RGS6: variants seen among roughly 807,000 people sequenced by gnomAD.
The protein encoded by RGS6 is regulator of G protein signaling 6.
In RGS6, 30 loss-of-function variants were observed where a neutral mutation model predicts 78.5. The observed-to-expected ratio is 0.38, with a 90% confidence interval of 0.29 to 0.52. The LOEUF is 0.52. Ranked by LOEUF, RGS6 falls within the 20% of genes least tolerant of loss-of-function variation. The pLI, the probability that RGS6 is intolerant of heterozygous loss-of-function variation, is 0.85. For synonymous variants in RGS6, 206 were observed against 206.0 expected (o/e 1.00, Z 0.00); for missense variants, 495 against 609.7 (o/e 0.81, Z 1.98).
chr14:72,060,948 G>GA (rs1350308944), intron 2 of RGS6, among the ~76,000 whole-genome samples: 1 of 152,144 alleles, frequency 6.6e-6, no homozygotes, highest in East Asian at 1.9e-4. Context: ...AGGTAAACAG[G>GA]AGTGTATTCA....
intron 3 of RGS6, among the ~76,000 whole-genome samples, chr14:72,407,152 C>G (rs1283178909): frequency 6.6e-6 from 1 of 152,158 alleles, no homozygotes; most frequent in Non-Finnish European, 1.5e-5. Context: ...CTAGGTGTTC[C>G]TCTCTTAAAA....
chr14:72,166,726 C>T (rs1047261542), intron 2 of RGS6, among the ~76,000 whole-genome samples: 2 of 152,152 alleles, frequency 1.3e-5, no homozygotes, highest in Non-Finnish European at 2.9e-5. Context: ...AGGAACAAAA[C>T]GTACTTTTTT....
intron 3 of RGS6, among the ~76,000 whole-genome samples, chr14:72,400,423 C>G (rs1182104671): frequency 6.6e-6 from 1 of 152,160 alleles, no homozygotes; most frequent in Non-Finnish European, 1.5e-5. Flanking sequence ...TCACCCACCT[C>G]CTGATTTTTA....
At chr14:71,959,525 A>C (rs10134070) in intron 1 of RGS6, among the ~76,000 whole-genome samples, 2,712 of 152,300 alleles carry the variant, frequency 0.018, 81 homozygotes, top group African/African-American at 0.06. Context: ...GGGCACTAAG[A>C]GTGGCAGGCA....
At chr14:71,877,131 A>G in the RGS6 span, among the ~76,000 whole-genome samples, 10 of 152,188 alleles carry the variant, frequency 6.6e-5, no homozygotes, top group South Asian at 1.7e-3. Context: ...TTCAACTTTG[A>G]TGAATCTGAC....
At chr14:72,602,482 G>T in the RGS6 span, among the ~76,000 whole-genome samples, 1 of 152,118 alleles carries the variant, frequency 6.6e-6, no homozygotes, top group Non-Finnish European at 1.5e-5. Context: ...GCCGCCACAG[G>T]TCATCCAGCC....
At chr14:72,615,671 C>T in the RGS6 span, among the ~76,000 whole-genome samples, 23 of 152,352 alleles carry the variant, frequency 1.5e-4, no homozygotes, top group African/African-American at 5.5e-4. Flanking sequence ...AGGCTTCCGG[C>T]TTCCTACCTC....
rs1007706127 is a variant in RGS6 at position 72,365,064 on chromosome 14, C to T, written c.184+12870C>T. On this transcript the variant is annotated intron_variant, in intron 3 of 17. Transcript: ENST00000553525. ...ATCATCCCAAAGGCGAAAAGAGAAGCAACTGTTAATGACCTACACCAAATA... is the reference window on the plus strand; with the variant it reads ...ATCATCCCAAAGGCGAAAAGAGAAGTAACTGTTAATGACCTACACCAAATA... Among the ~76,000 whole-genome samples, 3 of 152,146 alleles carry T rather than the reference C, an allele frequency of 2.0e-5. No homozygotes were observed. The South Asian group carries it at 6.2e-4, about 32-fold the overall frequency.
At chr14:72,513,521 A>G (rs2096903794) in intron 14 of RGS6, among the ~76,000 whole-genome samples, 1 of 152,098 alleles carries the variant, frequency 6.6e-6, no homozygotes, top group Non-Finnish European at 1.5e-5. Context: ...CTCCCTTTGC[A>G]CCGAGTGGAC....
At chr14:71,875,868 G>T in the RGS6 span, among the ~76,000 whole-genome samples, 1 of 152,296 alleles carries the variant, frequency 6.6e-6, no homozygotes, top group East Asian at 1.9e-4. Context: ...TGGTTTCAAA[G>T]AACATCTTTA....
intron 3 of RGS6, among the ~76,000 whole-genome samples, chr14:72,374,322 G>A (rs1053678840): frequency 6.6e-6 from 1 of 151,518 alleles, no homozygotes; most frequent in Non-Finnish European, 1.5e-5. Context: ...TCCTACCTAT[G>A]AGTGAGAACA....
intron 2 of RGS6, among the ~76,000 whole-genome samples, chr14:72,147,861 G>A (rs1483176571): frequency 6.6e-6 from 1 of 152,190 alleles, no homozygotes; most frequent in Non-Finnish European, 1.5e-5. Flanking sequence ...TCTGGGTGCA[G>A]TGGCTCATGC....
chr14:72,385,514 AT>A (rs2087678530), intron 3 of RGS6, among the ~76,000 whole-genome samples: 1 of 152,206 alleles, frequency 6.6e-6, no homozygotes, highest in Non-Finnish European at 1.5e-5. Flanking sequence ...ATAGTAGGGA[AT>A]GGGGCTGGTG....
chr14:72,550,563 T>A, intron 17 of RGS6: 2 of 1,535,598 alleles, frequency 1.3e-6, no homozygotes, highest in South Asian at 1.2e-5. Context: ...CCCAACCTTG[T>A]AATCTTCTGC....
intron 3 of RGS6, among the ~76,000 whole-genome samples, chr14:72,364,417 G>T (rs1234030754): frequency 6.6e-6 from 1 of 152,162 alleles, no homozygotes; most frequent in Admixed American, 6.6e-5. Flanking sequence ...ATCTACATGG[G>T]ACAGTAATCA....
intron 17 of RGS6, among the ~76,000 whole-genome samples, chr14:72,557,590 C>T (rs1289577603): frequency 3.3e-5 from 5 of 152,112 alleles, no homozygotes; most frequent in East Asian, 1.9e-4. Context: ...TAATTCCACA[C>T]GTATACATCC....
At chr14:72,604,285 G>C in the RGS6 span, among the ~76,000 whole-genome samples, 1 of 152,122 alleles carries the variant, frequency 6.6e-6, no homozygotes, top group African/African-American at 2.4e-5. Flanking sequence ...ATAAACGGAG[G>C]CGGGTTTGTT....
At chr14:72,274,934 T>C (rs1435841724) in intron 2 of RGS6, among the ~76,000 whole-genome samples, 2 of 152,240 alleles carry the variant, frequency 1.3e-5, no homozygotes, top group Admixed American at 1.3e-4. Flanking sequence ...TTTATCTTAT[T>C]CCTTTACTCA....
chr14:72,433,848 C>T (rs1017981239), intron 3 of RGS6, among the ~76,000 whole-genome samples: 1 of 152,190 alleles, frequency 6.6e-6, no homozygotes, highest in African/African-American at 2.4e-5. Flanking sequence ...TGATGACCAC[C>T]CGTTTCATCA....
Sources: gnomAD v4.1 joint callset for allele counts (sites outside exome capture counted in the v4.1 genomes callset) on GRCh38, gnomAD v4.1.1 for gene constraint, MANE v1.5 for transcripts, NCBI Gene and HGNC (gene_info 2026-07-23, HGNC 2026-07-21) for gene names.